Variants in LRRC63 observed in about 807,000 individuals in gnomAD.
LRRC63 encodes leucine rich repeat containing 63, also known as leucine-rich repeat-containing protein 63.
LRRC63 carries 40 observed loss-of-function variants against 49.5 expected under a neutral mutation model. The ratio of observed to expected loss-of-function variants is 0.81; its 90% CI spans 0.63 to 1.05. The LOEUF (loss-of-function observed/expected upper bound fraction) is 1.05. Ranked by LOEUF, LRRC63 falls within the 50% of genes least tolerant of loss-of-function variation. The pLI, the probability that LRRC63 is intolerant of heterozygous loss-of-function variation, is 0.00. For synonymous variants in LRRC63, 191 were observed against 221.1 expected (o/e 0.86, Z 1.21); for missense variants, 636 against 663.1 (o/e 0.96, Z 0.45).
chr13:46,219,247 G>A (rs1054141017), intron 2 of LRRC63, among the ~76,000 whole-genome samples: 5 of 152,212 alleles, frequency 3.3e-5, no homozygotes, highest in South Asian at 2.1e-4. Flanking sequence ...CCAATCAAAT[G>A]TAGGTTTGGT....
intron 8 of LRRC63, among the ~76,000 whole-genome samples, chr13:46,263,219 C>T (rs1348236298): frequency 6.6e-6 from 1 of 151,932 alleles, no homozygotes; most frequent in Non-Finnish European, 1.5e-5. Flanking sequence ...CTCTGTCGCC[C>T]AGGCTGGAGT....
At chr13:46,241,736 A>G (rs2047068466) in intron 5 of LRRC63, among the ~76,000 whole-genome samples, 1 of 152,244 alleles carries the variant, frequency 6.6e-6, no homozygotes, top group African/African-American at 2.4e-5. Context: ...GTCACTGATC[A>G]TTAGAGAAAT....
At chr13:46,215,065 A>G (rs1410040764) in intron 2 of LRRC63, among the ~76,000 whole-genome samples, 1 of 152,236 alleles carries the variant, frequency 6.6e-6, no homozygotes. Flanking sequence ...CAGTGCTGCA[A>G]TAAACATACG....
At chr13:46,259,780 G>C (rs1296612692) in intron 7 of LRRC63, among the ~76,000 whole-genome samples, 1 of 151,936 alleles carries the variant, frequency 6.6e-6, no homozygotes, top group Non-Finnish European at 1.5e-5. Context: ...TCCTACACTG[G>C]TATGTTAAAA....
chr13:46,256,614 T>G (rs2047514837), intron 7 of LRRC63, among the ~76,000 whole-genome samples: 1 of 152,246 alleles, frequency 6.6e-6, no homozygotes. Flanking sequence ...CCTATGCCTG[T>G]CTCACCATTG....
chr13:46,267,715 T>C (rs772453428), intron 9 of LRRC63, among the ~76,000 whole-genome samples: 29 of 152,210 alleles, frequency 1.9e-4, no homozygotes, highest in Non-Finnish European at 3.4e-4. Context: ...CAGAAGTTTT[T>C]GATTTTATGG....
chr13:46,268,366 A>T (rs973480956), intron 9 of LRRC63, among the ~76,000 whole-genome samples: 2 of 152,220 alleles, frequency 1.3e-5, no homozygotes, highest in South Asian at 2.1e-4. Context: ...AAGTGAGAAC[A>T]GAGAGAATGG....
At chr13:46,270,696 G>A (rs1183832585) in intron 9 of LRRC63, 1 of 660,962 alleles carries the variant, frequency 1.5e-6, no homozygotes, top group Non-Finnish European at 2.8e-6. Flanking sequence ...GAAAGGAGAA[G>A]AACCAGTATC....
At chr13:46,235,270 T>G (rs997205587) in intron 5 of LRRC63, among the ~76,000 whole-genome samples, 7 of 152,152 alleles carry the variant, frequency 4.6e-5, no homozygotes, top group African/African-American at 1.7e-4. Context: ...AAGGAAATCA[T>G]GTCAAAACAA....
At chr13:46,216,910 G>T (rs934032495) in intron 2 of LRRC63, among the ~76,000 whole-genome samples, 5 of 152,192 alleles carry the variant, frequency 3.3e-5, no homozygotes, top group African/African-American at 1.2e-4. Flanking sequence ...TATGTTTATT[G>T]ATTTGATTTA....
At chr13:46,270,722 A>C (rs1594101492) in intron 9 of LRRC63, 2 of 582,838 alleles carry the variant, frequency 3.4e-6, no homozygotes. Flanking sequence ...AGCATACTTC[A>C]CAGCCATAGG....
rs557973816 is a variant in LRRC63, at chr13:46,232,170, C to G, written c.833-2022C>G. 5.3e-5 allele frequency among the ~76,000 whole-genome samples: 8 copies of G among 152,256 alleles called. No individual in the cohort carries two copies. The South Asian group carries it at 1.7e-3, about 32-fold the overall frequency. ...CCACTCACTACCACAAGGACAGCACCAAGCCATAGGAGATCTGCCCCCATG... is the reference window on the plus strand; with the variant it reads ...CCACTCACTACCACAAGGACAGCACGAAGCCATAGGAGATCTGCCCCCATG... On this transcript the variant is annotated intron_variant, in intron 4 of 9. Transcript: ENST00000595396.
At chr13:46,273,201 T>G (rs574900431) in intron 9 of LRRC63, among the ~76,000 whole-genome samples, 81 of 152,314 alleles carry the variant, frequency 5.3e-4, no homozygotes, top group African/African-American at 1.9e-3. Context: ...CAGTAAAATT[T>G]GGAACTATGT....
chr13:46,220,725 G>C (rs557575742), intron 2 of LRRC63, among the ~76,000 whole-genome samples: 2 of 152,056 alleles, frequency 1.3e-5, no homozygotes, highest in Non-Finnish European at 2.9e-5. Flanking sequence ...TTGAAACCCA[G>C]GGCCCTGGTG....
chr13:46,256,123 C>A (rs79311707), intron 7 of LRRC63, among the ~76,000 whole-genome samples: 1,704 of 152,218 alleles, frequency 0.011, 18 homozygotes, highest in Admixed American at 0.016. Flanking sequence ...TAACTAGGAA[C>A]GAAATTTGTG....
chr13:46,245,189 C>G (rs1360920706), intron 5 of LRRC63, among the ~76,000 whole-genome samples: 1 of 152,068 alleles, frequency 6.6e-6, no homozygotes, highest in African/African-American at 2.4e-5. Context: ...TAGAATGCCT[C>G]AAAATTCATA....
exon 3 of LRRC63, chr13:46,228,057 A>C (rs1452096521): frequency 4.5e-6 from 7 of 1,551,006 alleles, no homozygotes; most frequent in Non-Finnish European, 6.1e-6. Flanking sequence ...TGTATCTATG[A>C]AACCAGAAGG....
chr13:46,227,665 AAGAAAG>A lies in LRRC63; in HGVS notation c.242_247del (p.Glu81_Arg82del), dbSNP rs1566476463. On this transcript the variant is annotated inframe_deletion, in exon 3 of 10. Transcript: ENST00000595396. ...AATATCTTTCTTGATCACTGTGTAC[AAGAAAG>A]AGTGACTGCAATTTCATCACCCCAG... 3.9e-6 allele frequency: 6 copies of A among 1,550,332 alleles called. No individual in the cohort carries two copies. In the African/African-American group the frequency reaches 8.2e-5, roughly 21 times the overall value.
At position 46,261,972 on chromosome 13, in the gene LRRC63, A is replaced by C. The variant is rs573632841; in HGVS notation, c.1290A>C (p.Pro430=). 1.5e-5 allele frequency: 17 copies of C among 1,163,802 alleles called. No individual in the cohort carries two copies. In the Middle Eastern group the frequency reaches 6.3e-4, roughly 43 times the overall value. 72.1% of individuals were successfully genotyped at this position (1,163,802 alleles called of 1,614,324 possible). A position where few individuals can be genotyped will look rare whatever the true frequency, so the allele number is the denominator to read the frequency against. ...CCTATAATGAACTTACTTTTATTCCAAATGAAATTCAGAAACTCAGGTATT... is the reference window on the plus strand; with the variant it reads ...CCTATAATGAACTTACTTTTATTCCCAATGAAATTCAGAAACTCAGGTATT... The change falls in exon 8 of 10, where the codon CCA becomes CCC. Residue 430 remains proline (P), a synonymous_variant. Transcript: ENST00000595396.
Sources: gnomAD v4.1 joint callset for allele counts (sites outside exome capture counted in the v4.1 genomes callset) on GRCh38, gnomAD v4.1.1 for gene constraint, MANE v1.5 for transcripts, NCBI Gene and HGNC (gene_info 2026-07-23, HGNC 2026-07-21) for gene names.